Variants in PLPPR4 observed in about 807,000 individuals in gnomAD.
PLPPR4 encodes phospholipid phosphatase-related protein type 4.
PLPPR4 carries 24 observed loss-of-function variants against 56.6 expected under a neutral mutation model. That is an observed-to-expected ratio of 0.42 (90% CI 0.31 to 0.60). PLPPR4 has a LOEUF of 0.60. Among genes scored for constraint, PLPPR4 ranks in the 20% least tolerant of loss-of-function variants. The pLI is 0.13. For missense variants in PLPPR4, 654 were observed against 885.8 expected, an observed-to-expected ratio of 0.74 and a Z score of 3.32; for synonymous variants, 326 against 328.1, an observed-to-expected ratio of 0.99 and a Z score of 0.07.
intron 4 of PLPPR4, among the ~76,000 whole-genome samples, chr1:99,299,672 A>G (rs768733909): frequency 6.6e-5 from 10 of 151,930 alleles, no homozygotes; most frequent in Non-Finnish European, 1.2e-4. Flanking sequence ...GTAAAGTTTG[A>G]GGAGGGGTAA....
chr1:99,274,789 T>C (rs1042847297), intron 1 of PLPPR4, among the ~76,000 whole-genome samples: 1 of 152,144 alleles, frequency 6.6e-6, no homozygotes, highest in African/African-American at 2.4e-5. Context: ...GGTAGGCCCA[T>C]AATCTGTAAG....
At chr1:99,283,299 G>C (rs1332223135) in intron 1 of PLPPR4, among the ~76,000 whole-genome samples, 1 of 152,100 alleles carries the variant, frequency 6.6e-6, no homozygotes, top group South Asian at 2.1e-4. Flanking sequence ...CCTAGGCTCA[G>C]AGCAAAGTGA....
intron 2 of PLPPR4, among the ~76,000 whole-genome samples, chr1:99,296,092 T>C (rs981542910): frequency 6.6e-6 from 1 of 152,182 alleles, no homozygotes; most frequent in East Asian, 1.9e-4. Flanking sequence ...TTGATACTAC[T>C]GTATGACATT....
intron 6 of PLPPR4, 113 bp downstream of exon 6, chr1:99,302,010 T>C: frequency 1.6e-6 from 1 of 618,500 alleles, no homozygotes; most frequent in Non-Finnish European, 2.5e-6. Context: ...TGAGAAAATC[T>C]CTGGCCGCAT....
At chr1:99,288,523 C>T (rs1451609257) in intron 2 of PLPPR4, among the ~76,000 whole-genome samples, 1 of 152,038 alleles carries the variant, frequency 6.6e-6, no homozygotes, top group Non-Finnish European at 1.5e-5. Flanking sequence ...GGAGAAATTA[C>T]ATAGCCAAAA....
At chr1:99,273,121 G>T (rs148072914) in intron 1 of PLPPR4, among the ~76,000 whole-genome samples, 26 of 152,196 alleles carry the variant, frequency 1.7e-4, no homozygotes, top group Middle Eastern at 3.4e-3. Context: ...GCCAAGGATA[G>T]AAATACTAAT....
chr1:99,291,330 A>C (rs897697613), intron 2 of PLPPR4, among the ~76,000 whole-genome samples: 3 of 152,104 alleles, frequency 2.0e-5, no homozygotes, highest in Non-Finnish European at 2.9e-5. Context: ...ACGCTTATAC[A>C]CTGTTGTGGG....
At chr1:99,300,453 A>G (rs1261350149) in intron 4 of PLPPR4, among the ~76,000 whole-genome samples, 1 of 152,060 alleles carries the variant, frequency 6.6e-6, no homozygotes, top group African/African-American at 2.4e-5. Flanking sequence ...ACACATTTAG[A>G]TCCAATGCCA....
intron 1 of PLPPR4, among the ~76,000 whole-genome samples, chr1:99,280,112 C>T (rs560144751): frequency 1.3e-5 from 2 of 152,288 alleles, no homozygotes; most frequent in South Asian, 2.1e-4. Flanking sequence ...CCTCTCCCCA[C>T]ATGGGCACCC....
At chr1:99,302,597 C>T (rs1198060463) in intron 6 of PLPPR4, among the ~76,000 whole-genome samples, 1 of 150,728 alleles carries the variant, frequency 6.6e-6, no homozygotes, top group African/African-American at 2.4e-5. Context: ...ATGTGTCATG[C>T]TGGTGTGCTG....
rs1481368734 is a variant in PLPPR4 at position 99,307,846 on chromosome 1, T to A, written c.*836T>A. On this transcript the variant is annotated 3_prime_UTR_variant, in exon 7 of 7. Coordinates refer to ENST00000370185, the MANE Select transcript of PLPPR4 (RefSeq NM_014839.5). ...ATTTTATAAATATTATTTTAGAGAA[T>A]CTTTTGAAATTGTTGTGATCATATT... 1.3e-5 allele frequency: 2 copies of A among 152,198 alleles called. No individual in the cohort carries two copies. Among genetic ancestry groups the A allele is most frequent in the African/African-American group, 2.4e-5 (1 of 41,454 alleles). The allele number at this position is 152,198 out of a possible 1,614,324, so 9.4% of individuals were successfully genotyped here.
intron 1 of PLPPR4, among the ~76,000 whole-genome samples, chr1:99,280,086 C>T (rs1260718071): frequency 1.3e-5 from 2 of 152,098 alleles, no homozygotes; most frequent in African/African-American, 2.4e-5. Flanking sequence ...CAAACTGCAC[C>T]TTTCCCCTAG....
At chr1:99,301,641 C>T in intron 5 of PLPPR4, 83 bp from the exon 6 acceptor site, 3 of 982,196 alleles carry the variant, frequency 3.1e-6, no homozygotes, top group Non-Finnish European at 4.4e-6. Context: ...TCAATTGTAT[C>T]AGACTTTTAA....
At chr1:99,283,830 T>C (rs1659396767) in intron 1 of PLPPR4, among the ~76,000 whole-genome samples, 1 of 152,126 alleles carries the variant, frequency 6.6e-6, no homozygotes, top group East Asian at 1.9e-4. Context: ...CACGCTCCTG[T>C]AGTCCCAGCT....
chr1:99,273,906 G>C (rs1659118774), intron 1 of PLPPR4, among the ~76,000 whole-genome samples: 1 of 152,034 alleles, frequency 6.6e-6, no homozygotes, highest in South Asian at 2.1e-4. Flanking sequence ...CGGCCTTGTG[G>C]ATTATTGAAC....
rs184073099 is a variant in PLPPR4 at position 99,277,083 on chromosome 1, G to A, written c.79-10882G>A. Among the ~76,000 whole-genome samples, 3 of 152,240 alleles carry A rather than the reference G, an allele frequency of 2.0e-5. No homozygotes were observed. The East Asian group carries it at 5.8e-4, about 29-fold the overall frequency. ...CCTCCAGAAAGTGAACAAGCAAAAT[G>A]CCTTGAGCATCCCAAAACGATGTTG... On this transcript the variant is annotated intron_variant, in intron 1 of 6. Transcript: ENST00000370185.
chr1:99,301,319 G>T (rs861874), intron 5 of PLPPR4, among the ~76,000 whole-genome samples: 1 of 151,040 alleles, frequency 6.6e-6, no homozygotes, highest in African/African-American at 2.4e-5. Flanking sequence ...ACACACACAC[G>T]TACGCTACTT....
chr1:99,280,353 A>G (rs1659291887), intron 1 of PLPPR4, among the ~76,000 whole-genome samples: 1 of 151,470 alleles, frequency 6.6e-6, no homozygotes, highest in Non-Finnish European at 1.5e-5. Context: ...GAATATAGCG[A>G]TCTTTTAAAC....
chr1:99,268,264 G>A (rs938348328), intron 1 of PLPPR4, among the ~76,000 whole-genome samples: 2 of 152,202 alleles, frequency 1.3e-5, no homozygotes, highest in African/African-American at 4.8e-5. Context: ...TCCTCCACTG[G>A]GAGTGTCCAA....
Sources: allele counts gnomAD v4.1 joint callset (sites outside exome capture counted in the v4.1 genomes callset), GRCh38; gene constraint gnomAD v4.1.1; transcripts MANE v1.5; gene names NCBI Gene and HGNC (gene_info 2026-07-23, HGNC 2026-07-21).